STS: variants seen among roughly 807,000 people sequenced by gnomAD.
STS encodes steroid sulfatase.
A neutral mutation model predicts 26.8 loss-of-function variants in STS; 7 were observed. The observed-to-expected ratio is 0.26, with a 90% CI of 0.15 to 0.49. The LOEUF (loss-of-function observed/expected upper bound fraction) is 0.49. Ranked by LOEUF, STS falls within the 20% of genes least tolerant of loss-of-function variation. The pLI, the probability that STS is intolerant of heterozygous loss-of-function variation, is 0.98. For synonymous variants in STS, 199 were observed against 189.4 expected (o/e 1.05, Z -0.42); for missense variants, 434 against 465.6 (o/e 0.93, Z 0.63).
chrX:7,271,071 G>A (rs1311586749), intron 6 of STS, among the ~76,000 whole-genome samples: 2 of 109,270 alleles, frequency 1.8e-5, no homozygotes, highest in Non-Finnish European at 3.8e-5. Context: ...AACTGGACTG[G>A]AGCCCAGTGC....
At chrX:7,321,442 T>A (rs1168191474) in intron 8 of STS, among the ~76,000 whole-genome samples, 2 of 111,302 alleles carry the variant, frequency 1.8e-5, no homozygotes, top group African/African-American at 6.5e-5. Flanking sequence ...TAAAAGTAAA[T>A]ACATAAACAA....
At chrX:7,259,158 G>C (rs948377184) in intron 5 of STS, among the ~76,000 whole-genome samples, 191 bp from the exon 6 acceptor site, 1 of 111,308 alleles carries the variant, frequency 9.0e-6, no homozygotes, top group African/African-American at 3.3e-5. Flanking sequence ...TTATTTTCTG[G>C]TAGAGTGAGT....
chrX:7,227,437 T>C (rs769203947), intron 2 of STS, among the ~76,000 whole-genome samples: 17 of 102,597 alleles, frequency 1.7e-4, no homozygotes, highest in African/African-American at 5.7e-4. Context: ...ATTAGCCTTG[T>C]TCAAATCGTT....
At chrX:7,332,741 T>C (rs1351584368) in intron 9 of STS, among the ~76,000 whole-genome samples, 1 of 111,576 alleles carries the variant, frequency 9.0e-6, no homozygotes, top group East Asian at 2.8e-4. Context: ...ATGACTGCCA[T>C]TTCGGGATGG....
intron 8 of STS, among the ~76,000 whole-genome samples, chrX:7,316,518 T>C (rs1926720883): frequency 8.9e-6 from 1 of 112,380 alleles, no homozygotes; most frequent in African/African-American, 3.2e-5. Flanking sequence ...ACTACCTGGC[T>C]CTTTAGAGAA....
At chrX:7,307,599 A>C (rs1926280873) in intron 8 of STS, among the ~76,000 whole-genome samples, 2 of 112,216 alleles carry the variant, frequency 1.8e-5, no homozygotes, top group South Asian at 7.4e-4. Context: ...CTAAAAAGGC[A>C]GGACATCCCA....
chrX:7,282,176 G>A (rs945141770), intron 7 of STS, among the ~76,000 whole-genome samples: 1 of 97,660 alleles, frequency 1.0e-5, no homozygotes, highest in East Asian at 3.3e-4. Flanking sequence ...GATAAAATAA[G>A]TGGTAAATGG....
intron 7 of STS, among the ~76,000 whole-genome samples, chrX:7,288,680 G>C (rs868533146): frequency 2.2e-5 from 2 of 92,854 alleles, no homozygotes; most frequent in Non-Finnish European, 4.4e-5. Flanking sequence ...GTGTGTGTGT[G>C]TGTCTGTGAT....
intron 8 of STS, among the ~76,000 whole-genome samples, chrX:7,323,979 A>C (rs1306600237): frequency 1.8e-5 from 2 of 111,066 alleles, no homozygotes; most frequent in African/African-American, 3.3e-5. Context: ...AAAGAGTCAG[A>C]CTCTGTAAAA....
chrX:7,248,266 G>C (rs763565176), intron 2 of STS, among the ~76,000 whole-genome samples: 22 of 112,165 alleles, frequency 2.0e-4, no homozygotes, highest in Non-Finnish European at 4.1e-4. Flanking sequence ...ACACAACAGT[G>C]TATATTTTCA....
chrX:7,334,164 A>G, intron 10 of STS, 57 bp downstream of exon 10: 1 of 1,207,570 alleles, frequency 8.3e-7, no homozygotes. Flanking sequence ...TGCCATGGGA[A>G]TAGATAAAAC....
chrX:7,153,099 A>G (rs759032546), intron 1 of STS, among the ~76,000 whole-genome samples: 3 of 111,896 alleles, frequency 2.7e-5, no homozygotes, highest in Non-Finnish European at 3.8e-5. Flanking sequence ...CTCACTGACT[A>G]GACATGACTG....
chrX:7,245,679 C>T (rs905118076), intron 2 of STS, among the ~76,000 whole-genome samples: 13 of 112,207 alleles, frequency 1.2e-4, no homozygotes, highest in Non-Finnish European at 7.5e-5. Context: ...GAAGATTAAA[C>T]GCAAAATAAC....
chrX:7,206,109 T>A (rs764866410), intron 2 of STS, among the ~76,000 whole-genome samples: 16 of 111,942 alleles, frequency 1.4e-4, no homozygotes, highest in African/African-American at 4.9e-4. Flanking sequence ...TTATATTCCT[T>A]CATCGTTTTG....
chrX:7,308,468 G>A (rs192969551), intron 8 of STS, among the ~76,000 whole-genome samples: 162 of 111,527 alleles, frequency 1.5e-3, no homozygotes, highest in Admixed American at 5.6e-3. Context: ...GCTGCATCAC[G>A]TTTTGCACAG....
intron 10 of STS, among the ~76,000 whole-genome samples, chrX:7,346,420 A>G (rs1391518058): frequency 1.9e-5 from 2 of 105,703 alleles, no homozygotes; most frequent in Non-Finnish European, 1.9e-5. Flanking sequence ...TCTCAGTAGA[A>G]TTATTGTCCT....
rs1932908428 is a variant in STS, at chrX:7,147,925, G to GGAGCCC, written c.-287_-282dup. On this transcript the variant is annotated 5_prime_UTR_variant, in exon 1 of 11. Coordinates refer to ENST00000674429, the MANE Select transcript of STS (RefSeq NM_001320752.2). ...GGGCCAGCCGGGGGCAGAGCGCGCG[G>GGAGCCC]GAGCCCGAGCGTCCCTGCATGAACA... The GGAGCCC allele has an allele frequency of 4.1e-6, 2 of 489,951 alleles. No homozygotes were observed. Among genetic ancestry groups the GGAGCCC allele is most frequent in the Non-Finnish European group, 6.6e-6 (2 of 303,640 alleles). The allele number at this position is 489,951 out of a possible 1,213,427, so 40.4% of individuals were successfully genotyped here.
Position 7,185,919 on chromosome X carries a change from A to G in STS, c.-133-4961A>G, listed in dbSNP as rs1458192367. On this transcript the variant is annotated intron_variant, in intron 1 of 10. Coordinates refer to ENST00000674429, the MANE Select transcript of STS (RefSeq NM_001320752.2). The stretch of plus-strand genomic sequence containing the variant: ...TTTGCCTTTGAGTGTTAACACAACC[A>G]AGGACTGTCAATCCAAGCTTGCAGA... 3.6e-5 allele frequency among the ~76,000 whole-genome samples: 4 copies of G among 112,573 alleles called. No homozygotes were observed. The Admixed American group carries it at 3.8e-4, about 11-fold the overall frequency.
At chrX:7,208,119 G>A (rs955159811) in intron 2 of STS, among the ~76,000 whole-genome samples, 10 of 112,539 alleles carry the variant, frequency 8.9e-5, no homozygotes, top group South Asian at 7.3e-4. Flanking sequence ...AGCATTTGCC[G>A]TGGTATTTGA....
Sources: gnomAD v4.1 joint callset for allele counts (sites outside exome capture counted in the v4.1 genomes callset) on GRCh38, gnomAD v4.1.1 for gene constraint, MANE v1.5 for transcripts, NCBI Gene and HGNC (gene_info 2026-07-23, HGNC 2026-07-21) for gene names.